The following SYT2 variants were observed in gnomAD, a reference collection of about 807,000 sequenced individuals.
SYT2 encodes the protein synaptotagmin 2, also known as synaptotagmin-2.
A neutral mutation model predicts 39.9 loss-of-function variants in SYT2; 15 were observed. The observed-to-expected ratio is 0.38, with a 90% CI of 0.25 to 0.58. SYT2 has a LOEUF of 0.58. SYT2 is among the 20% of genes least tolerant of loss of function. The probability of loss-of-function intolerance (pLI) is 0.70; values close to 1 mark genes in which losing one functional copy is unlikely to be tolerated. For synonymous variants in SYT2, 181 were observed against 204.5 expected, an observed-to-expected ratio of 0.89 and a Z score of 0.98; for missense variants, 389 against 530.3, an observed-to-expected ratio of 0.73 and a Z score of 2.62.
chr1:202,699,010 C>CTTT (rs5780118), intron 1 of SYT2, among the ~76,000 whole-genome samples: 23,884 of 97,686 alleles, frequency 0.24, 3,562 homozygotes, highest in South Asian at 0.35. Context: ...ACCAAACTGT[C>CTTT]TTTTTTTTTT....
At chr1:202,709,487 AG>A (rs1433020426) in intron 1 of SYT2, among the ~76,000 whole-genome samples, 1 of 152,232 alleles carries the variant, frequency 6.6e-6, no homozygotes, top group Admixed American at 6.5e-5. Flanking sequence ...AGGCAGGGGA[AG>A]GGGGCACCCC....
chr1:202,701,677 A>G (rs1654125703), intron 1 of SYT2, among the ~76,000 whole-genome samples: 2 of 152,180 alleles, frequency 1.3e-5, no homozygotes, highest in African/African-American at 2.4e-5. Flanking sequence ...CCACTGCTTT[A>G]GCACCATCAA....
Position 202,614,235 on chromosome 1 carries a change from G to A in SYT2, c.-17-8446C>T, listed in dbSNP as rs192646219. On this transcript the variant is annotated intron_variant, in intron 1 of 8. Coordinates refer to ENST00000367268, the MANE Select transcript of SYT2 (RefSeq NM_177402.5). This position sits in a 1 kb window ranked among gnomAD's most constrained non-coding sequence, Gnocchi z 4.0. ...AATCTGCAGGCCAGGAATGAAGGGG[G>A]AGAACTGCATCTCAGGAGTGTTGGA... Among the ~76,000 whole-genome samples the A allele has an allele frequency of 1.8e-4, 27 of 152,342 alleles. No homozygotes were observed. The highest frequency in any genetic ancestry group is 3.1e-4 in the Non-Finnish European group (21 of 68,030).
chr1:202,648,186 T>C (rs2149100921), intron 1 of SYT2, among the ~76,000 whole-genome samples: 1 of 152,328 alleles, frequency 6.6e-6, no homozygotes, highest in South Asian at 2.1e-4. Context: ...GCTGTTTTGT[T>C]TGTCTGCTTA....
Position 202,633,111 on chromosome 1 carries a change from T to C in SYT2, c.-17-27322A>G, listed in dbSNP as rs1257603829. 2.0e-5 allele frequency among the ~76,000 whole-genome samples: 3 copies of C among 152,226 alleles called. No individual in the cohort carries two copies. The South Asian group carries it at 6.2e-4, about 32-fold the overall frequency. ...GTGCTGCCAGGTTAGATTTGCAGAATGCAGTGAATGCTCTTGCTGACAAAG... is the reference window on the plus strand; with the variant it reads ...GTGCTGCCAGGTTAGATTTGCAGAACGCAGTGAATGCTCTTGCTGACAAAG... On this transcript the variant is annotated intron_variant, in intron 1 of 8. Coordinates refer to ENST00000367268, the MANE Select transcript of SYT2 (RefSeq NM_177402.5).
At chr1:202,680,559 A>G (rs1572675733) in intron 1 of SYT2, among the ~76,000 whole-genome samples, 1 of 152,288 alleles carries the variant, frequency 6.6e-6, no homozygotes, top group South Asian at 2.1e-4. Flanking sequence ...CCACAACATT[A>G]TCACTGTTAT....
intron 1 of SYT2, among the ~76,000 whole-genome samples, chr1:202,679,777 T>G (rs1653479191): frequency 6.6e-6 from 1 of 152,200 alleles, no homozygotes. Flanking sequence ...TCCAAACTCC[T>G]TAGCCCAGCA....
chr1:202,656,087 A>G (rs1350903181), intron 1 of SYT2, among the ~76,000 whole-genome samples: 2 of 152,124 alleles, frequency 1.3e-5, no homozygotes, highest in Admixed American at 6.6e-5. Context: ...GGGGGTGAAG[A>G]GTGAGCATGC....
intron 1 of SYT2, among the ~76,000 whole-genome samples, chr1:202,657,822 A>G (rs1199923832): frequency 6.6e-6 from 1 of 152,052 alleles, no homozygotes; most frequent in Non-Finnish European, 1.5e-5. Context: ...CAGCGGGGTC[A>G]GGGCCCTGCG....
intron 3 of SYT2, among the ~76,000 whole-genome samples, chr1:202,603,713 A>T (rs1201141564): frequency 6.6e-6 from 1 of 152,126 alleles, no homozygotes; most frequent in Non-Finnish European, 1.5e-5. Flanking sequence ...ACACTCACAC[A>T]CACTGCAGGT....
chr1:202,697,449 A>G (rs1654001943), intron 1 of SYT2, among the ~76,000 whole-genome samples: 1 of 152,252 alleles, frequency 6.6e-6, no homozygotes, highest in Admixed American at 6.5e-5. Flanking sequence ...GCATCGGTAC[A>G]CGAACTTGTG....
chr1:202,678,355 T>A (rs987597894), intron 1 of SYT2, among the ~76,000 whole-genome samples: 4 of 150,726 alleles, frequency 2.7e-5, no homozygotes, highest in Admixed American at 1.3e-4. Context: ...CCTTTCTAAA[T>A]TTTTTTTTAA....
chr1:202,629,895 T>G (rs1368824836), intron 1 of SYT2, among the ~76,000 whole-genome samples: 15 of 86,652 alleles, frequency 1.7e-4, no homozygotes, highest in Middle Eastern at 7.4e-3. Flanking sequence ...ACGGCAGGTG[T>G]GTTGCTCAGA....
chr1:202,683,845 C>G (rs150461898), intron 1 of SYT2, among the ~76,000 whole-genome samples: 1 of 151,944 alleles, frequency 6.6e-6, no homozygotes, highest in Non-Finnish European at 1.5e-5. Flanking sequence ...TGAGGCATTT[C>G]CCATTCACTA....
In SYT2 at chr1:202,619,138, G is replaced by A. The variant is rs148745766; in HGVS notation, c.-17-13349C>T. Among the ~76,000 whole-genome samples, 121 of 152,300 alleles carry A rather than the reference G, an allele frequency of 7.9e-4. 2 individuals are homozygous for A. The East Asian group carries it at 0.019, about 25-fold the overall frequency. ...GCTGGGGAGGAATGGCGGCGAGAAC[G>A]GTGTGAGGGAGAGCCAAATTATCGG... On this transcript the variant is annotated intron_variant, in intron 1 of 8. Transcript: ENST00000367268.
At chr1:202,686,938 T>G (rs1033131538) in intron 1 of SYT2, among the ~76,000 whole-genome samples, 6 of 152,110 alleles carry the variant, frequency 3.9e-5, no homozygotes, top group African/African-American at 1.4e-4. Flanking sequence ...AAGCTCCTGC[T>G]CTGTGAAGTC....
chr1:202,680,916 T>C (rs1653508337), intron 1 of SYT2, among the ~76,000 whole-genome samples: 1 of 152,150 alleles, frequency 6.6e-6, no homozygotes, highest in Non-Finnish European at 1.5e-5. Context: ...AGCTGGCAGG[T>C]GATTTGAGGA....
At chr1:202,709,943 T>G (rs2102185258) in intron 1 of SYT2, among the ~76,000 whole-genome samples, 1 of 152,006 alleles carries the variant, frequency 6.6e-6, no homozygotes, top group African/African-American at 2.4e-5. Flanking sequence ...AGCCGGCCGG[T>G]GCAGGGGACG....
intron 1 of SYT2, among the ~76,000 whole-genome samples, chr1:202,666,201 C>T (rs1692480061): frequency 6.6e-6 from 1 of 151,800 alleles, no homozygotes; most frequent in African/African-American, 2.4e-5. Context: ...GTGAGCAGCT[C>T]TCAGCAGGAA....
Sources: allele counts gnomAD v4.1 joint callset (sites outside exome capture counted in the v4.1 genomes callset), GRCh38; gene constraint gnomAD v4.1.1; non-coding constraint Gnocchi (gnomAD v3.1); transcripts MANE v1.5; gene names NCBI Gene and HGNC (gene_info 2026-07-23, HGNC 2026-07-21).